HOXC4: variants seen among roughly 807,000 people sequenced by gnomAD.
HOXC4 encodes the protein homeobox protein Hox-C4.
In HOXC4, 15 loss-of-function variants were observed where a neutral mutation model predicts 25.5. The observed-to-expected ratio is 0.59, with a 90% CI of 0.39 to 0.91. The LOEUF (loss-of-function observed/expected upper bound fraction) is 0.91, where lower values mean the gene tolerates loss of function less well. Ranked by LOEUF, HOXC4 falls within the 40% of genes least tolerant of loss-of-function variation. The probability of loss-of-function intolerance (pLI) is 0.00; values close to 1 mark genes in which losing one functional copy is unlikely to be tolerated. For synonymous variants in HOXC4, 165 were observed against 148.0 expected (o/e 1.11, Z -0.83); for missense variants, 342 against 352.4 (o/e 0.97, Z 0.24).
At chr12:54,019,525 G>T (rs1940332861) in intron 1 of HOXC4, among the ~76,000 whole-genome samples, 2 of 152,064 alleles carry the variant, frequency 1.3e-5, no homozygotes, top group Admixed American at 6.5e-5. Flanking sequence ...TCTCTCTTTC[G>T]CCTGCATTTT....
At chr12:54,046,433 G>A (rs970942495) in intron 1 of HOXC4, among the ~76,000 whole-genome samples, 3 of 152,112 alleles carry the variant, frequency 2.0e-5, no homozygotes, top group African/African-American at 7.2e-5. Flanking sequence ...GTATTGGGGT[G>A]TCGTAGGTCA....
At chr12:54,027,788 G>T (rs953567489) in intron 1 of HOXC4, among the ~76,000 whole-genome samples, 1 of 152,128 alleles carries the variant, frequency 6.6e-6, no homozygotes, top group Non-Finnish European at 1.5e-5. Flanking sequence ...ACTGTACCCT[G>T]AAGTCTTGCC....
At chr12:54,034,785 G>A in intron 1 of HOXC4, 1 of 415,006 alleles carries the variant, frequency 2.4e-6, no homozygotes, top group Non-Finnish European at 4.5e-6. Flanking sequence ...ACAGGCTGGC[G>A]CAGAACGAAC....
At chr12:54,034,621 A>T in intron 1 of HOXC4, 1 of 750,534 alleles carries the variant, frequency 1.3e-6, no homozygotes, top group Non-Finnish European at 2.2e-6. Flanking sequence ...CGGGCCCCAC[A>T]GACAAAAGCG....
chr12:54,029,670 C>A, intron 1 of HOXC4: 2 of 1,613,094 alleles, frequency 1.2e-6, no homozygotes, highest in Non-Finnish European at 1.7e-6. Flanking sequence ...GGCTACGGAG[C>A]GGACCGGAGG....
intron 1 of HOXC4, among the ~76,000 whole-genome samples, chr12:54,046,995 G>C (rs941413000): frequency 2.6e-5 from 4 of 152,228 alleles, no homozygotes; most frequent in Non-Finnish European, 5.9e-5. Flanking sequence ...GGGCCGCAGT[G>C]GGGACCGCCA....
chr12:54,041,905 C>T (rs1003388401), intron 1 of HOXC4, among the ~76,000 whole-genome samples: 1 of 151,904 alleles, frequency 6.6e-6, no homozygotes. Context: ...TCAGGTAATC[C>T]ACACGCCTCA....
chr12:54,035,548 C>G (rs1269338506), intron 1 of HOXC4, among the ~76,000 whole-genome samples: 1 of 152,158 alleles, frequency 6.6e-6, no homozygotes, highest in African/African-American at 2.4e-5. Flanking sequence ...ACAAGAGCCT[C>G]TGGGGGAAGA....
intron 1 of HOXC4, among the ~76,000 whole-genome samples, chr12:54,036,845 C>T (rs1466741722): frequency 1.3e-5 from 2 of 152,232 alleles, no homozygotes; most frequent in African/African-American, 2.4e-5. Flanking sequence ...CCCGCACCCA[C>T]CTGTTCCAGC....
At chr12:54,025,340 CTTTTGCCAAAAAAATAAAAT>C in intron 1 of HOXC4, among the ~76,000 whole-genome samples, 1 of 152,048 alleles carries the variant, frequency 6.6e-6, no homozygotes, top group Non-Finnish European at 1.5e-5. Context: ...GACAGCCATT[CTTTTGCCAAAAAAATAAAAT>C]TAACATGAAA....
At chr12:54,032,157 C>G (rs1002527652) in intron 1 of HOXC4, among the ~76,000 whole-genome samples, 3 of 152,112 alleles carry the variant, frequency 2.0e-5, no homozygotes, top group African/African-American at 7.2e-5. Context: ...TGTCCGTGTC[C>G]ACACACACAC....
At chr12:54,017,964 A>G (rs959271930) in intron 1 of HOXC4, among the ~76,000 whole-genome samples, 9 of 152,030 alleles carry the variant, frequency 5.9e-5, no homozygotes, top group African/African-American at 2.2e-4. Context: ...GTGTGGGCCC[A>G]GGGCCGGGCC....
At chr12:54,025,642 A>G (rs545711072) in intron 1 of HOXC4, among the ~76,000 whole-genome samples, 2 of 150,694 alleles carry the variant, frequency 1.3e-5, no homozygotes, top group East Asian at 3.9e-4. Context: ...TGCCTTTTTC[A>G]CCCAGCAGCT....
At chr12:54,042,748 T>A (rs1592243911) in intron 1 of HOXC4, among the ~76,000 whole-genome samples, 1 of 151,996 alleles carries the variant, frequency 6.6e-6, no homozygotes, top group East Asian at 1.9e-4. Flanking sequence ...TTGGGGTGAA[T>A]GATTCAATTT....
chr12:54,031,080 G>A (rs1940967511), intron 1 of HOXC4, among the ~76,000 whole-genome samples: 1 of 152,268 alleles, frequency 6.6e-6, no homozygotes, highest in Non-Finnish European at 1.5e-5. Flanking sequence ...TTTTGTTGCG[G>A]GGGGAGCTGG....
chr12:54,026,965 G>C (rs1021183138), intron 1 of HOXC4, among the ~76,000 whole-genome samples: 2 of 45,180 alleles, frequency 4.4e-5, no homozygotes, highest in Admixed American at 1.9e-4. Flanking sequence ...CAAAAATGGT[G>C]GGGGGGGGGG....
In HOXC4 at chr12:54,054,331, C is replaced by T. The variant is rs200182829; in HGVS notation, c.409C>T (p.Pro137Ser). The T allele has an allele frequency of 1.3e-6, 2 of 1,573,384 alleles. No homozygotes were observed. The highest frequency in any genetic ancestry group is 1.4e-5 in the African/African-American group (1 of 72,728). ...CGCCAGCAAGCAACCCATAGTCTACCCATGGATGAAAAAAATTCACGTTAG... is the reference window on the plus strand; with the variant it reads ...CGCCAGCAAGCAACCCATAGTCTACTCATGGATGAAAAAAATTCACGTTAG... The part of the protein sequence containing the change: ...SAASKQPIVY[P>S]WMKKIHVSTV... Residue 137 changes from proline to serine, a missense_variant, in exon 1 of 2, where the codon CCA becomes TCA. Transcript: ENST00000430889.
intron 1 of HOXC4, chr12:54,029,515 G>A (rs1940899076): frequency 3.6e-6 from 3 of 841,200 alleles, no homozygotes; most frequent in Non-Finnish European, 5.5e-6. Context: ...GTGGGGCAAG[G>A]CAAAAGGGAG....
chr12:54,051,210 G>C (rs936973336), upstream of HOXC4, among the ~76,000 whole-genome samples: 1 of 152,038 alleles, frequency 6.6e-6, no homozygotes, highest in Admixed American at 6.5e-5. Context: ...CCGCATCCAG[G>C]TACAGGCCTA....
Sources: allele counts gnomAD v4.1 joint callset (sites outside exome capture counted in the v4.1 genomes callset), GRCh38; gene constraint gnomAD v4.1.1; transcripts MANE v1.5; gene names NCBI Gene and HGNC (gene_info 2026-07-23, HGNC 2026-07-21).